Variants in PLEKHM2 observed in about 807,000 individuals in gnomAD.
PLEKHM2 encodes pleckstrin homology domain-containing family M member 2.
A neutral mutation model predicts 116.3 loss-of-function variants in PLEKHM2; 77 were observed. The observed-to-expected ratio is 0.66, with a 90% CI of 0.55 to 0.80. PLEKHM2 has a LOEUF of 0.80. Ranked by LOEUF, PLEKHM2 falls within the 30% of genes least tolerant of loss-of-function variation. PLEKHM2 has a pLI of 0.00. For missense variants in PLEKHM2, 1,183 were observed against 1,354.9 expected, an observed-to-expected ratio of 0.87 and a Z score of 1.99; for synonymous variants, 562 against 571.0, an observed-to-expected ratio of 0.98 and a Z score of 0.22.
chr1:15,697,491 GC>G (rs1283654437), intron 1 of PLEKHM2, among the ~76,000 whole-genome samples: 7 of 152,354 alleles, frequency 4.6e-5, no homozygotes, highest in Admixed American at 4.6e-4. Flanking sequence ...GCATTTAGCT[GC>G]TTTTGGAAAC....
chr1:15,716,976 G>A (rs1320278926), intron 3 of PLEKHM2, among the ~76,000 whole-genome samples, 160 bp downstream of exon 3: 2 of 152,216 alleles, frequency 1.3e-5, no homozygotes, highest in African/African-American at 4.8e-5. Context: ...CACCAGGCCA[G>A]GCATGGTGGC....
At chr1:15,699,102 A>T (rs1310922857) in intron 1 of PLEKHM2, among the ~76,000 whole-genome samples, 11 of 152,208 alleles carry the variant, frequency 7.2e-5, no homozygotes, top group Non-Finnish European at 1.6e-4. Flanking sequence ...AGGCAGGAGG[A>T]TCACTTGAGC....
rs1416978593 is a variant in PLEKHM2 at position 15,725,548 on chromosome 1, C to G, written c.941+3C>G. On this transcript the variant is annotated splice_donor_region_variant and intron_variant, in intron 8 of 19. Transcript: ENST00000375799. ...TGCACGGAGCTCGAGGTCATCAGGT[C>G]AGCAGGGAGGGGCCCAGAAAGGAGC... 1 of 1,553,908 alleles carries G rather than the reference C, an allele frequency of 6.4e-7. No homozygotes were observed. Among genetic ancestry groups the G allele is most frequent in the Admixed American group, 1.9e-5 (1 of 51,836 alleles).
rs1471574740 is a variant in PLEKHM2 at position 15,733,805 on chromosome 1, C to T, written c.2931C>T (p.Leu977=). ...SGWKTIYQVD[L]PHTAIQEASN... ...TGCACGCCCCAACACAGGTGGACCT[C>T]CCCCACACGGCGATCCAGGAAGCCT... The change falls in exon 20 of 20, where the codon CTC becomes CTT. Residue 977 remains leucine, a synonymous_variant. Coordinates refer to ENST00000375799, the MANE Select transcript of PLEKHM2 (RefSeq NM_015164.4). The T allele has an allele frequency of 6.2e-7, 1 of 1,612,914 alleles. No homozygotes were observed. Among genetic ancestry groups the T allele is most frequent in the Admixed American group, 1.7e-5 (1 of 60,008 alleles).
At chr1:15,730,474 G>A in intron 14 of PLEKHM2, 58 bp from the exon 15 acceptor site, 4 of 1,379,168 alleles carry the variant, frequency 2.9e-6, no homozygotes, top group Non-Finnish European at 3.9e-6. Flanking sequence ...TCCGGGCTCA[G>A]CCACCTGCCT....
At chr1:15,724,028 A>G (rs1370926745) in intron 7 of PLEKHM2, among the ~76,000 whole-genome samples, 1 of 152,100 alleles carries the variant, frequency 6.6e-6, no homozygotes. Flanking sequence ...CACTGGCCGT[A>G]TGGGCTGTGT....
At chr1:15,685,586 G>A (rs72647145) in intron 1 of PLEKHM2, among the ~76,000 whole-genome samples, 5,034 of 118,354 alleles carry the variant, frequency 0.043, 110 homozygotes, top group Middle Eastern at 0.098. Flanking sequence ...AAAAGAGAAA[G>A]AAAATGGCTT....
intron 1 of PLEKHM2, among the ~76,000 whole-genome samples, chr1:15,714,679 G>A (rs1571048419): frequency 1.3e-5 from 2 of 152,196 alleles, no homozygotes; most frequent in East Asian, 3.8e-4. Context: ...TGTGGTTGAT[G>A]TATCTTGCCT....
intron 6 of PLEKHM2, chr1:15,720,757 C>G (rs2067987123): frequency 6.6e-6 from 1 of 152,250 alleles, no homozygotes; most frequent in Admixed American, 6.5e-5. Flanking sequence ...GGTTATATGT[C>G]CCAGGAAGGG....
In PLEKHM2 at chr1:15,721,331, T is replaced by G; in HGVS notation, c.655T>G (p.Tyr219Asp). The change falls in exon 7 of 20, where the codon TAT becomes GAT. Residue 219 changes from tyrosine (Y) to aspartate (D), a missense_variant and splice_region_variant. Around this residue, in one of 3 missense-constraint regions of PLEKHM2, gnomAD observed 372 missense variants for 357.2 expected, o/e 1.04. Coordinates refer to ENST00000375799, the MANE Select transcript of PLEKHM2 (RefSeq NM_015164.4). This position sits in a 1 kb window ranked among gnomAD's most constrained non-coding sequence, Gnocchi z 5.1. ...AGTTTTGTCCCTCGTTTTTGTAGATTATGATTTTGGAGATGTGTTTCCAGC... is the reference window on the plus strand; with the variant it reads ...AGTTTTGTCCCTCGTTTTTGTAGATGATGATTTTGGAGATGTGTTTCCAGC... ...DSAIAPSSED[Y>D]DFGDVFPAVP... 2 of 1,562,822 alleles carry G rather than the reference T, an allele frequency of 1.3e-6. No homozygotes were observed. Among genetic ancestry groups the G allele is most frequent in the Admixed American group, 1.9e-5 (1 of 52,446 alleles).
chr1:15,728,367 G>A lies in PLEKHM2; in HGVS notation c.1921+10G>A, dbSNP rs780341451. 2.7e-5 allele frequency: 43 copies of A among 1,608,850 alleles called. No individual in the cohort carries two copies. The Admixed American group carries it at 5.2e-4, about 19-fold the overall frequency. Reference sequence around the variant, plus strand: ...TACCTGCTCCGGAAAGGTGCCCGCCGCCCCCGGGCAGACAGCGGGTTGTAG... The same window carrying A: ...TACCTGCTCCGGAAAGGTGCCCGCCACCCCCGGGCAGACAGCGGGTTGTAG... On this transcript the variant is annotated intron_variant, in intron 11 of 19. Coordinates refer to ENST00000375799, the MANE Select transcript of PLEKHM2 (RefSeq NM_015164.4). The surrounding 1 kb of genome is among the most constrained non-coding windows in gnomAD (Gnocchi z 5.9).
intron 8 of PLEKHM2, chr1:15,725,974 C>A: frequency 5.5e-6 from 1 of 182,358 alleles, no homozygotes. Flanking sequence ...TCATCACCCC[C>A]CACCCCCTGA....
chr1:15,684,697 G>GCAGGGACTC (rs1553156992), intron 1 of PLEKHM2, 79 bp downstream of exon 1: 2 of 795,234 alleles, frequency 2.5e-6, no homozygotes, highest in Non-Finnish European at 3.3e-6. Flanking sequence ...CTCCCGGGCC[G>GCAGGGACTC]GGGCCCCCCG....
intron 1 of PLEKHM2, among the ~76,000 whole-genome samples, chr1:15,705,137 A>C (rs1641198207): frequency 7.2e-5 from 9 of 125,450 alleles, no homozygotes; most frequent in Non-Finnish European, 8.3e-5. Flanking sequence ...ATCCATTTCC[A>C]CAGCTGTGTC....
At chr1:15,723,744 CAAAAAAAA>C (rs1056474462) in intron 7 of PLEKHM2, among the ~76,000 whole-genome samples, 9 of 76,410 alleles carry the variant, frequency 1.2e-4, no homozygotes, top group African/African-American at 4.1e-4. Context: ...GACCCTGTCT[CAAAAAAAA>C]AAAAAAAAAA....
intron 1 of PLEKHM2, among the ~76,000 whole-genome samples, chr1:15,694,050 C>T (rs1418090885): frequency 6.6e-6 from 1 of 152,132 alleles, no homozygotes; most frequent in African/African-American, 2.4e-5. Context: ...GTTGCCACCT[C>T]TGCTGATAAA....
At position 15,728,214 on chromosome 1, in the gene PLEKHM2, C is replaced by G; in HGVS notation, c.1831-53C>G. 6.2e-7 allele frequency: 1 copy of G among 1,606,362 alleles called. No homozygotes were observed. The highest frequency in any genetic ancestry group is 8.5e-7 in the Non-Finnish European group (1 of 1,173,922). On this transcript the variant is annotated intron_variant, in intron 10 of 19. Coordinates refer to ENST00000375799, the MANE Select transcript of PLEKHM2 (RefSeq NM_015164.4). The surrounding 1 kb of genome is among the most constrained non-coding windows in gnomAD (Gnocchi z 5.9). ...GGCAAGGCGGGATGGGCCACCGCCC[C>G]CGCTGGAGCGGCAGGAGCCACCTGC...
chr1:15,716,462 T>C, intron 2 of PLEKHM2, 119 bp downstream of exon 2: 1 of 713,926 alleles, frequency 1.4e-6, no homozygotes, highest in Non-Finnish European at 2.3e-6. Context: ...CAGAAAGGGA[T>C]TTGTCCCACT....
chr1:15,720,343 A>G, intron 6 of PLEKHM2: 1 of 985,194 alleles, frequency 1.0e-6, no homozygotes, highest in Non-Finnish European at 1.2e-6. Flanking sequence ...CTAGAAGAAG[A>G]GAGAACCAGG....
Sources: allele counts gnomAD v4.1 joint callset (sites outside exome capture counted in the v4.1 genomes callset), GRCh38; gene constraint gnomAD v4.1.1; regional missense constraint gnomAD v4.1.1; non-coding constraint Gnocchi (gnomAD v3.1); transcripts MANE v1.5; gene names NCBI Gene and HGNC (gene_info 2026-07-23, HGNC 2026-07-21).